The following CCDC148 variants were observed in gnomAD, a reference collection of about 807,000 sequenced individuals.
The protein encoded by CCDC148 is coiled-coil domain-containing protein 148.
CCDC148 carries 89 observed loss-of-function variants against 85.7 expected under a neutral mutation model. That is an observed-to-expected ratio of 1.04 (90% CI 0.87 to 1.24). The LOEUF (loss-of-function observed/expected upper bound fraction) is 1.24, where lower values mean the gene tolerates loss of function less well. CCDC148 is among the 50% of genes most tolerant of loss of function. CCDC148 has a pLI of 0.00. For missense variants in CCDC148, 692 were observed against 671.7 expected, an observed-to-expected ratio of 1.03 and a Z score of -0.33; for synonymous variants, 230 against 213.9, an observed-to-expected ratio of 1.08 and a Z score of -0.66.
chr2:158,293,884 G>A (rs900849300), intron 9 of CCDC148, among the ~76,000 whole-genome samples: 2 of 150,478 alleles, frequency 1.3e-5, no homozygotes, highest in African/African-American at 4.9e-5. Flanking sequence ...GGCATGGCAA[G>A]TACAAAGAAT....
chr2:158,405,254 A>C (rs1685949339), intron 1 of CCDC148, among the ~76,000 whole-genome samples: 1 of 152,160 alleles, frequency 6.6e-6, no homozygotes, highest in Non-Finnish European at 1.5e-5. Context: ...CAAGTATTAC[A>C]TATTGAAAAC....
Position 158,358,443 on chromosome 2 carries a change from T to C in CCDC148, c.147+6A>G, listed in dbSNP as rs754994474. The C allele has an allele frequency of 2.3e-5, 37 of 1,602,682 alleles. 1 individual carries two copies. In the South Asian group the frequency reaches 4.1e-4, roughly 18 times the overall value. ...TAGAAAAACACATACACACACAACTTCTAACCTTTAGCTTTGCAGAGGCAG... is the reference window on the plus strand; with the variant it reads ...TAGAAAAACACATACACACACAACTCCTAACCTTTAGCTTTGCAGAGGCAG... On this transcript the variant is annotated splice_donor_region_variant and intron_variant, in intron 2 of 13. Transcript: ENST00000283233.
intron 7 of CCDC148, among the ~76,000 whole-genome samples, chr2:158,317,095 G>A (rs1332749655): frequency 6.6e-6 from 1 of 152,050 alleles, no homozygotes; most frequent in Non-Finnish European, 1.5e-5. Flanking sequence ...CACAGACAGT[G>A]AAAAATATTC....
chr2:158,233,322 A>G (rs1687943851), intron 10 of CCDC148, among the ~76,000 whole-genome samples: 1 of 151,790 alleles, frequency 6.6e-6, no homozygotes, highest in South Asian at 2.1e-4. Flanking sequence ...CTTCATTTAG[A>G]TCAATGATGG....
intron 1 of CCDC148, among the ~76,000 whole-genome samples, chr2:158,387,467 T>TA (rs889149331): frequency 2.6e-4 from 40 of 151,992 alleles, no homozygotes; most frequent in Non-Finnish European, 5.4e-4. Flanking sequence ...ACTCCCTATA[T>TA]AAAATCTCAT....
At chr2:158,242,036 A>G (rs191280105) in intron 10 of CCDC148, among the ~76,000 whole-genome samples, 114 of 152,262 alleles carry the variant, frequency 7.5e-4, no homozygotes, top group Non-Finnish European at 1.5e-3. Context: ...TTTAAAGTGG[A>G]TAACTATTTC....
chr2:158,341,637 AT>A (rs5835701), intron 3 of CCDC148, among the ~76,000 whole-genome samples: 140,431 of 151,978 alleles, frequency 0.92, 64,927 homozygotes, highest in East Asian at 0.98. Context: ...AAATATAGTC[AT>A]TTTTTTAGAA....
intron 1 of CCDC148, among the ~76,000 whole-genome samples, chr2:158,363,537 C>T (rs10178282): frequency 0.18 from 27,021 of 152,048 alleles, 3,936 homozygotes; most frequent in African/African-American, 0.4. Context: ...CGTAATCCAT[C>T]GCATAAACAG....
At chr2:158,368,209 T>C (rs1224847514) in intron 1 of CCDC148, among the ~76,000 whole-genome samples, 13 of 152,174 alleles carry the variant, frequency 8.5e-5, no homozygotes, top group Admixed American at 7.9e-4. Context: ...TGTTTAATTA[T>C]GGGATGATGC....
chr2:158,220,724 A>T lies in CCDC148; in HGVS notation c.1252-11T>A, dbSNP rs949318188. ...CCAGTATTTTTTTATCTATTGTATA[A>T]ATGTTACATAAAATTTAAATTAACA... On this transcript the variant is annotated splice_polypyrimidine_tract_variant and intron_variant, in intron 10 of 13. Transcript: ENST00000283233. 3.3e-6 allele frequency: 5 copies of T among 1,537,450 alleles called. No individual in the cohort carries two copies. The East Asian group carries it at 1.2e-4, about 36-fold the overall frequency.
At chr2:158,204,014 A>C (rs1317805886) in intron 11 of CCDC148, among the ~76,000 whole-genome samples, 3 of 152,138 alleles carry the variant, frequency 2.0e-5, no homozygotes, top group African/African-American at 7.2e-5. Context: ...AACAAGTGTG[A>C]CTCATTCAAC....
At chr2:158,315,770 C>T (rs1692251316) in intron 7 of CCDC148, among the ~76,000 whole-genome samples, 1 of 152,032 alleles carries the variant, frequency 6.6e-6, no homozygotes, top group South Asian at 2.1e-4. Flanking sequence ...GCCTCTCCCA[C>T]CCTCTTTAGA....
intron 1 of CCDC148, among the ~76,000 whole-genome samples, chr2:158,422,950 A>G (rs1288319882): frequency 1.3e-5 from 2 of 152,140 alleles, no homozygotes; most frequent in Non-Finnish European, 1.5e-5. Context: ...ACAAACAGAG[A>G]GCCAAATCAT....
intron 1 of CCDC148, among the ~76,000 whole-genome samples, chr2:158,366,264 T>C (rs1218776599): frequency 6.6e-6 from 1 of 152,162 alleles, no homozygotes; most frequent in Admixed American, 6.6e-5. Context: ...TGTGCCTTTC[T>C]TGTTCTTGGT....
intron 8 of CCDC148, among the ~76,000 whole-genome samples, chr2:158,312,749 T>C (rs1692095821): frequency 6.6e-6 from 1 of 152,144 alleles, no homozygotes; most frequent in Non-Finnish European, 1.5e-5. Flanking sequence ...ATGAAAGTTA[T>C]TTAAAAATCC....
chr2:158,318,038 T>G (rs1692358937), intron 7 of CCDC148, among the ~76,000 whole-genome samples: 1 of 152,198 alleles, frequency 6.6e-6, no homozygotes. Flanking sequence ...TCTGACCCTC[T>G]GTAATATACA....
chr2:158,198,279 G>A (rs1302440049), intron 11 of CCDC148, among the ~76,000 whole-genome samples: 1 of 152,146 alleles, frequency 6.6e-6, no homozygotes, highest in African/African-American at 2.4e-5. Context: ...TATCTCACTT[G>A]GCCTTCAGGT....
At chr2:158,364,114 G>T (rs1684092216) in intron 1 of CCDC148, among the ~76,000 whole-genome samples, 1 of 152,108 alleles carries the variant, frequency 6.6e-6, no homozygotes, top group South Asian at 2.1e-4. Context: ...TGATGTGAAG[G>T]ACCTCTTCAA....
chr2:158,357,290 C>CA lies in CCDC148; in HGVS notation c.147+1158dup, dbSNP rs1003388991. On this transcript the variant is annotated intron_variant, in intron 2 of 13. Transcript: ENST00000283233. ...ATAGCCTGGGTGGCTTAAAAAAAAA[C>CA]AAAAAAAAAGGTAAGGGCTATATTT... Among the ~76,000 whole-genome samples, 17 of 139,986 alleles carry CA rather than the reference C, an allele frequency of 1.2e-4. 1 individual carries two copies. The highest frequency in any genetic ancestry group is 1.6e-4 in the African/African-American group (6 of 38,118). The allele number at this position is 139,986 out of a possible 152,430, so 91.8% of individuals were successfully genotyped here.
Sources: gnomAD v4.1 joint callset for allele counts (sites outside exome capture counted in the v4.1 genomes callset) on GRCh38, gnomAD v4.1.1 for gene constraint, MANE v1.5 for transcripts, NCBI Gene and HGNC (gene_info 2026-07-23, HGNC 2026-07-21) for gene names.